The following MTMR1 variants were observed in gnomAD, a reference collection of about 807,000 sequenced individuals.
MTMR1 encodes myotubularin related protein 1.
MTMR1 carries 17 observed loss-of-function variants against 51.6 expected under a neutral mutation model. The observed-to-expected ratio is 0.33, with a 90% CI of 0.23 to 0.49. MTMR1 has a LOEUF of 0.49. Ranked by LOEUF, MTMR1 falls within the 20% of genes least tolerant of loss-of-function variation. MTMR1 has a pLI of 0.99. For missense variants in MTMR1, 386 were observed against 526.9 expected, an observed-to-expected ratio of 0.73 and a Z score of 2.62; for synonymous variants, 201 against 205.6, an observed-to-expected ratio of 0.98 and a Z score of 0.19.
rs368280878 is a variant in MTMR1, at chrX:150,730,092, T to C, written c.556-17T>C. 29 of 1,146,463 alleles carry C rather than the reference T, an allele frequency of 2.5e-5. No homozygotes were observed. The highest frequency in any genetic ancestry group is 1.2e-6 in the Non-Finnish European group (1 of 847,120). 94.5% of individuals were successfully genotyped at this position (1,146,463 alleles called of 1,213,427 possible). A position where few individuals can be genotyped will look rare whatever the true frequency, so the allele number is the denominator to read the frequency against. ...TGATGTATGTTGAATAACCGAGTTT[T>C]GCTAATTGTTTAACAGGATATGAGG... On this transcript the variant is annotated splice_polypyrimidine_tract_variant and intron_variant, in intron 6 of 15. Coordinates refer to ENST00000445323, the MANE Select transcript of MTMR1 (RefSeq NM_001306144.3).
chrX:150,717,184 C>T (rs1018194476), intron 3 of MTMR1, among the ~76,000 whole-genome samples: 36 of 109,115 alleles, frequency 3.3e-4, no homozygotes, highest in Admixed American at 2.8e-3. Context: ...AATGTGAAAC[C>T]CCTGTCTCTA....
At chrX:150,740,413 C>T (rs1171247131) in intron 12 of MTMR1, among the ~76,000 whole-genome samples, 3 of 112,069 alleles carry the variant, frequency 2.7e-5, no homozygotes, top group Admixed American at 9.4e-5. Context: ...TGAATTTCCT[C>T]CAACTTTCAG....
intron 1 of MTMR1, among the ~76,000 whole-genome samples, chrX:150,694,295 T>G (rs1320359184): frequency 1.8e-5 from 2 of 111,916 alleles, no homozygotes; most frequent in African/African-American, 6.5e-5. Flanking sequence ...AGTTTATTGT[T>G]TTCATGAACA....
intron 10 of MTMR1, 65 bp from the exon 11 acceptor site, chrX:150,736,530 T>C (rs985672667): frequency 1.3e-4 from 141 of 1,051,698 alleles, no homozygotes; most frequent in Non-Finnish European, 1.8e-4. Context: ...CTGTATCTCA[T>C]AGCACTAGAA....
chrX:150,727,940 A>G (rs2041993494), intron 6 of MTMR1, 149 bp downstream of exon 6: 2 of 347,645 alleles, frequency 5.8e-6, no homozygotes, highest in Non-Finnish European at 1.0e-5. Context: ...TTCAAATCTC[A>G]TATCGAATTT....
chrX:150,720,222 G>A (rs2041700655), intron 4 of MTMR1, among the ~76,000 whole-genome samples: 1 of 111,602 alleles, frequency 9.0e-6, no homozygotes, highest in Admixed American at 9.5e-5. Context: ...TTGACACGGT[G>A]TACACCTGAG....
intron 1 of MTMR1, among the ~76,000 whole-genome samples, chrX:150,698,678 G>GCACACACACACACACACA (rs1444236629): frequency 1.4e-4 from 10 of 70,795 alleles, no homozygotes; most frequent in African/African-American, 4.1e-4. Flanking sequence ...CTACACGCGC[G>GCACACACACACACACACA]CGCACACACA....
chrX:150,754,467 T>C (rs909874678), intron 14 of MTMR1, among the ~76,000 whole-genome samples: 27 of 112,789 alleles, frequency 2.4e-4, no homozygotes, highest in African/African-American at 8.4e-4. Context: ...GACTTTGTCA[T>C]TGTGCTTGAT....
intron 12 of MTMR1, among the ~76,000 whole-genome samples, chrX:150,741,813 G>A (rs1448722299): frequency 8.9e-6 from 1 of 112,384 alleles, no homozygotes; most frequent in African/African-American, 3.2e-5. Context: ...TTCCCTAGGT[G>A]CCTTAAATAC....
At position 150,761,702 on chromosome X, in the gene MTMR1, C is replaced by G. The variant is rs781908279; in HGVS notation, c.1858-863C>G. ...GACCCCACCCTGTTTCTCCCTCAGCCCAGTCGGTGACCCCTCACTCTGGTC... is the reference window on the plus strand; with the variant it reads ...GACCCCACCCTGTTTCTCCCTCAGCGCAGTCGGTGACCCCTCACTCTGGTC... On this transcript the variant is annotated intron_variant, in intron 15 of 15. Coordinates refer to ENST00000445323, the MANE Select transcript of MTMR1 (RefSeq NM_001306144.3). 2.0e-3 allele frequency among the ~76,000 whole-genome samples: 219 copies of G among 112,186 alleles called. 3 individuals are homozygous for G. The highest frequency in any genetic ancestry group is 2.5e-3 in the Non-Finnish European group (134 of 53,115).
chrX:150,698,323 C>A (rs1557415796), intron 1 of MTMR1, among the ~76,000 whole-genome samples: 1 of 109,994 alleles, frequency 9.1e-6, no homozygotes, highest in Non-Finnish European at 1.9e-5. Flanking sequence ...AAATAAAAAC[C>A]ATTTGTAAGT....
chrX:150,734,451 G>T (rs2042206976), intron 10 of MTMR1, among the ~76,000 whole-genome samples: 1 of 112,481 alleles, frequency 8.9e-6, no homozygotes, highest in African/African-American at 3.2e-5. Context: ...CCTCAGTGAG[G>T]CCCCCTTGCT....
At chrX:150,760,942 AAAAAAAG>A (rs1385649352) in intron 15 of MTMR1, among the ~76,000 whole-genome samples, 2 of 109,458 alleles carry the variant, frequency 1.8e-5, no homozygotes, top group East Asian at 2.9e-4. Flanking sequence ...AAAAAAAAAA[AAAAAAAG>A]AAAAAGAAAA....
intron 2 of MTMR1, among the ~76,000 whole-genome samples, chrX:150,702,388 G>A (rs2040947944): frequency 8.9e-6 from 1 of 111,746 alleles, no homozygotes; most frequent in African/African-American, 3.3e-5. Flanking sequence ...GATAAAATCT[G>A]AAAACCTAGG....
chrX:150,720,432 A>C (rs1183776747), intron 4 of MTMR1, among the ~76,000 whole-genome samples: 1 of 112,233 alleles, frequency 8.9e-6, no homozygotes, highest in Non-Finnish European at 1.9e-5. Flanking sequence ...AATTATTTTG[A>C]TATCCATATT....
At chrX:150,724,398 GTATC>G (rs1359895512) in intron 4 of MTMR1, among the ~76,000 whole-genome samples, 1 of 110,977 alleles carries the variant, frequency 9.0e-6, no homozygotes, top group African/African-American at 3.3e-5. Flanking sequence ...CTTTTGAAAA[GTATC>G]TATTCTTGTC....
At position 150,699,167 on chromosome X, in the gene MTMR1, G is replaced by A. The variant is rs149333628; in HGVS notation, c.147-28G>A. On this transcript the variant is annotated intron_variant, in intron 1 of 15. Coordinates refer to ENST00000445323, the MANE Select transcript of MTMR1 (RefSeq NM_001306144.3). ...TTTCACTGAGATCCTATGATATAAC[G>A]TTTTGTAATCCATGCTATTTTTTTT... 282 of 1,031,719 alleles carry A rather than the reference G, an allele frequency of 2.7e-4. No individual in the cohort carries two copies. The African/African-American group carries it at 4.4e-3, about 16-fold the overall frequency. 85.0% of individuals were successfully genotyped at this position (1,031,719 alleles called of 1,213,427 possible).
intron 1 of MTMR1, among the ~76,000 whole-genome samples, chrX:150,698,676 GCGCGCACACACACA>G (rs1319993863): frequency 7.5e-5 from 4 of 53,079 alleles, no homozygotes; most frequent in Admixed American, 2.5e-4. Flanking sequence ...GTCTACACGC[GCGCGCACACACACA>G]CACACACACA....
chrX:150,712,223 T>C, intron 2 of MTMR1, 119 bp from the exon 3 acceptor site: 3 of 572,056 alleles, frequency 5.2e-6, no homozygotes, highest in South Asian at 6.3e-5. Context: ...TTGATCTTGT[T>C]GGTTTTACTT....
Sources: allele counts gnomAD v4.1 joint callset (sites outside exome capture counted in the v4.1 genomes callset), GRCh38; gene constraint gnomAD v4.1.1; transcripts MANE v1.5; gene names NCBI Gene and HGNC (gene_info 2026-07-23, HGNC 2026-07-21).